Variants in CNTLN observed in about 807,000 individuals in gnomAD.
CNTLN encodes the protein centlein.
Under a neutral mutation model 180.0 loss-of-function variants are expected in CNTLN, and 212 were observed. The observed-to-expected ratio is 1.18, with a 90% CI of 1.05 to 1.32. The LOEUF (loss-of-function observed/expected upper bound fraction) is 1.32. Among genes scored for constraint, CNTLN ranks in the 40% most tolerant of loss-of-function variants. The pLI, the probability that CNTLN is intolerant of heterozygous loss-of-function variation, is 0.00. For missense variants in CNTLN, 2,095 were observed against 1,610.9 expected, an observed-to-expected ratio of 1.30 and a Z score of -5.14; for synonymous variants, 722 against 563.1, an observed-to-expected ratio of 1.28 and a Z score of -3.99.
At chr9:17,154,621 G>C (rs971223481) in intron 2 of CNTLN, among the ~76,000 whole-genome samples, 1 of 152,202 alleles carries the variant, frequency 6.6e-6, no homozygotes, top group African/African-American at 2.4e-5. Context: ...TGGGCTTCTG[G>C]GTTGGGTGGG....
chr9:17,397,690 C>G (rs1268078558), intron 15 of CNTLN, among the ~76,000 whole-genome samples: 1 of 152,162 alleles, frequency 6.6e-6, no homozygotes, highest in Non-Finnish European at 1.5e-5. Flanking sequence ...CCTATTTTAC[C>G]CAGCACCTAT....
At chr9:17,445,441 G>A (rs868317738) in intron 18 of CNTLN, among the ~76,000 whole-genome samples, 2 of 152,082 alleles carry the variant, frequency 1.3e-5, no homozygotes, top group South Asian at 2.1e-4. Flanking sequence ...ATTTTGTTCT[G>A]TACTAAGAAA....
At chr9:17,327,840 C>G (rs1327104923) in intron 8 of CNTLN, among the ~76,000 whole-genome samples, 1 of 151,922 alleles carries the variant, frequency 6.6e-6, no homozygotes, top group Admixed American at 6.6e-5. Context: ...GTAATCCCAG[C>G]TACTCAGGAG....
intron 15 of CNTLN, among the ~76,000 whole-genome samples, chr9:17,397,962 T>G (rs188398365): frequency 1.8e-4 from 28 of 152,284 alleles, no homozygotes; most frequent in African/African-American, 6.5e-4. Flanking sequence ...TTCAGAAGAT[T>G]CTTTCTTTTA....
At chr9:17,506,634 A>C (rs986072930), downstream of CNTLN, among the ~76,000 whole-genome samples, 6 of 152,154 alleles carry the variant, frequency 3.9e-5, no homozygotes, top group Non-Finnish European at 7.4e-5. Flanking sequence ...CCAGTAGCAA[A>C]AATGACCTTT....
chr9:17,476,596 T>A (rs1832362463), intron 23 of CNTLN, among the ~76,000 whole-genome samples: 1 of 152,210 alleles, frequency 6.6e-6, no homozygotes, highest in African/African-American at 2.4e-5. Context: ...TTATTGCTGA[T>A]ACACAGAAAG....
intron 18 of CNTLN, among the ~76,000 whole-genome samples, chr9:17,453,881 C>T (rs1278247960): frequency 6.6e-6 from 1 of 152,146 alleles, no homozygotes; most frequent in Admixed American, 6.5e-5. Flanking sequence ...ATGCCTCTGG[C>T]CTTCTTTGAA....
chr9:17,211,061 T>G (rs1823268062), intron 2 of CNTLN, among the ~76,000 whole-genome samples: 1 of 152,214 alleles, frequency 6.6e-6, no homozygotes, highest in South Asian at 2.1e-4. Flanking sequence ...TTAGTCTAAT[T>G]AGATCCCATT....
At chr9:17,347,179 A>C (rs1821968180) in intron 12 of CNTLN, among the ~76,000 whole-genome samples, 1 of 152,140 alleles carries the variant, frequency 6.6e-6, no homozygotes, top group African/African-American at 2.4e-5. Flanking sequence ...AGTTCTTGTC[A>C]AGTAATTCCG....
intron 5 of CNTLN, among the ~76,000 whole-genome samples, chr9:17,260,881 C>G (rs1411934534): frequency 6.6e-6 from 1 of 151,386 alleles, no homozygotes; most frequent in East Asian, 1.9e-4. Context: ...CAGTTTCAAT[C>G]TTCCGCATTT....
At chr9:17,415,438 T>G (rs751243232) in intron 16 of CNTLN, among the ~76,000 whole-genome samples, 1 of 152,208 alleles carries the variant, frequency 6.6e-6, no homozygotes, top group Non-Finnish European at 1.5e-5. Context: ...AGATTAAATT[T>G]CTACTTCTTT....
chr9:17,222,642 C>G (rs1012710379), intron 2 of CNTLN, among the ~76,000 whole-genome samples: 2 of 151,982 alleles, frequency 1.3e-5, no homozygotes, highest in African/African-American at 4.8e-5. Flanking sequence ...CCAAGTAAAC[C>G]TCTTTTTCTT....
chr9:17,274,495 A>T lies in CNTLN; in HGVS notation c.983+629A>T, dbSNP rs552906492. ...TATCTATCTATCTATCTATCTATCT[A>T]TCTATCTATGTATCTTTCTATCTAT... On this transcript the variant is annotated intron_variant, in intron 6 of 25. Coordinates refer to ENST00000380647, the MANE Select transcript of CNTLN (RefSeq NM_017738.4). Among the ~76,000 whole-genome samples, 224 of 147,390 alleles carry T rather than the reference A, an allele frequency of 1.5e-3. 1 individual carries two copies. The highest frequency in any genetic ancestry group is 4.5e-3 in the African/African-American group (183 of 40,352).
intron 13 of CNTLN, among the ~76,000 whole-genome samples, chr9:17,385,524 A>C (rs748668378): frequency 2.0e-5 from 3 of 152,118 alleles, no homozygotes; most frequent in Non-Finnish European, 4.4e-5. Flanking sequence ...ATAACAAAAG[A>C]TGGTCCTATT....
the CNTLN span, among the ~76,000 whole-genome samples, chr9:17,522,949 T>A: frequency 6.6e-6 from 1 of 151,732 alleles, no homozygotes; most frequent in Non-Finnish European, 1.5e-5. Context: ...GTCACTGTCT[T>A]CTCATTTGGT....
At chr9:17,346,437 A>G (rs1821902995) in intron 12 of CNTLN, among the ~76,000 whole-genome samples, 2 of 152,332 alleles carry the variant, frequency 1.3e-5, no homozygotes, top group Middle Eastern at 6.8e-3. Flanking sequence ...TTACAATTCA[A>G]GATGAGATTT....
intron 2 of CNTLN, among the ~76,000 whole-genome samples, chr9:17,180,346 T>TTATTATATTA (rs57685282): frequency 0.025 from 3,634 of 145,594 alleles, 118 homozygotes; most frequent in South Asian, 0.08. Flanking sequence ...GTTGCTCTAA[T>TTATTATATTA]TATTATATTA....
At chr9:17,140,548 T>C (rs1273077668) in intron 1 of CNTLN, among the ~76,000 whole-genome samples, 6 of 152,102 alleles carry the variant, frequency 3.9e-5, no homozygotes, top group Admixed American at 3.9e-4. Flanking sequence ...TCAGCAATCG[T>C]CCCACCCTCA....
At chr9:17,287,996 TC>T (rs1323049444) in intron 6 of CNTLN, among the ~76,000 whole-genome samples, 2 of 138,866 alleles carry the variant, frequency 1.4e-5, no homozygotes, top group Non-Finnish European at 3.0e-5. Context: ...GTTTTTTGTG[TC>T]TCTGTTTCCT....
Sources: allele counts gnomAD v4.1 joint callset (sites outside exome capture counted in the v4.1 genomes callset), GRCh38; gene constraint gnomAD v4.1.1; transcripts MANE v1.5; gene names NCBI Gene and HGNC (gene_info 2026-07-23, HGNC 2026-07-21).